NCALD: variants seen among roughly 807,000 people sequenced by gnomAD.
The protein encoded by NCALD is neurocalcin delta, also known as neurocalcin-delta.
In NCALD, 10 loss-of-function variants were observed where a neutral mutation model predicts 18.6. The observed-to-expected ratio is 0.54, with a 90% CI of 0.33 to 0.91. The LOEUF is 0.91. Ranked by LOEUF, NCALD falls within the 40% of genes least tolerant of loss-of-function variation. The pLI is 0.03. For missense variants in NCALD, 184 were observed against 247.6 expected (o/e 0.74, Z 1.72); for synonymous variants, 88 against 87.4 (o/e 1.01, Z -0.04).
chr8:102,004,240 CAA>C lies in NCALD; in HGVS notation c.-157+15995_-157+15996del, dbSNP rs1470990228. Among the ~76,000 whole-genome samples the C allele has an allele frequency of 5.3e-5, 8 of 152,206 alleles. No homozygotes were observed. The South Asian group carries it at 8.3e-4, about 16-fold the overall frequency. ...AGCATTCTTATACACCAACAACAGA[CAA>C]AGAGAGAGCCAAATCATGAGTGAAC... On this transcript the variant is annotated intron_variant, in intron 2 of 6. Coordinates refer to the NCALD transcript ENST00000311028.
intron 2 of NCALD, among the ~76,000 whole-genome samples, chr8:101,945,703 T>C (rs1483006597): frequency 6.6e-6 from 1 of 152,212 alleles, no homozygotes; most frequent in Non-Finnish European, 1.5e-5. Flanking sequence ...TTTTGATAGA[T>C]GTGTCACGTG....
intron 1 of NCALD, among the ~76,000 whole-genome samples, chr8:102,120,114 C>T (rs1825901887): frequency 6.6e-6 from 1 of 152,158 alleles, no homozygotes; most frequent in Non-Finnish European, 1.5e-5. Flanking sequence ...ATTTACTGAC[C>T]ATGTGACCTT....
At chr8:101,922,392 C>A (rs1388976625) in intron 2 of NCALD, among the ~76,000 whole-genome samples, 3 of 152,118 alleles carry the variant, frequency 2.0e-5, no homozygotes, top group African/African-American at 7.2e-5. Flanking sequence ...CATTATTGGA[C>A]ACGTTTCATT....
intron 1 of NCALD, among the ~76,000 whole-genome samples, chr8:102,049,594 T>G (rs1448127705): frequency 2.6e-5 from 4 of 152,160 alleles, no homozygotes; most frequent in Admixed American, 6.5e-5. Flanking sequence ...TTGAGTATAT[T>G]TAGTTTTGTA....
intron 4 of NCALD, among the ~76,000 whole-genome samples, chr8:101,821,221 G>T (rs1443876381): frequency 6.6e-6 from 1 of 152,156 alleles, no homozygotes; most frequent in African/African-American, 2.4e-5. Flanking sequence ...TTTCAAATCA[G>T]TGCATTGCTC....
At chr8:101,909,257 A>T (rs893172001) in intron 3 of NCALD, among the ~76,000 whole-genome samples, 2 of 152,168 alleles carry the variant, frequency 1.3e-5, no homozygotes, top group African/African-American at 4.8e-5. Context: ...CATTTGTTGT[A>T]ATTTTGTCTT....
At chr8:101,801,277 C>A (rs1812840150) in intron 4 of NCALD, among the ~76,000 whole-genome samples, 1 of 152,052 alleles carries the variant, frequency 6.6e-6, no homozygotes, top group African/African-American at 2.4e-5. Flanking sequence ...TTTAAAACAT[C>A]TTTCTTGGTA....
chr8:101,955,840 T>C (rs1422250799), intron 2 of NCALD, among the ~76,000 whole-genome samples: 2 of 152,152 alleles, frequency 1.3e-5, no homozygotes, highest in East Asian at 3.8e-4. Flanking sequence ...AGTATTGTAG[T>C]ATCTAATTTC....
At chr8:101,708,634 T>A (rs1194701399) in intron 2 of NCALD, among the ~76,000 whole-genome samples, 1 of 152,072 alleles carries the variant, frequency 6.6e-6, no homozygotes. Flanking sequence ...ATGAGTTAGG[T>A]GTTTCGATTA....
intron 1 of NCALD, among the ~76,000 whole-genome samples, chr8:101,787,810 G>A (rs1463328771): frequency 7.9e-5 from 12 of 152,108 alleles, no homozygotes; most frequent in Non-Finnish European, 8.8e-5. Context: ...TGAGTATCTG[G>A]AATTAACATG....
chr8:101,740,526 G>T (rs1352927058), intron 1 of NCALD, among the ~76,000 whole-genome samples: 1 of 152,212 alleles, frequency 6.6e-6, no homozygotes, highest in Non-Finnish European at 1.5e-5. Flanking sequence ...GTAGAAAGCA[G>T]AGCAGAGGCT....
At chr8:101,721,837 T>G (rs1372371505) in intron 1 of NCALD, among the ~76,000 whole-genome samples, 2 of 151,154 alleles carry the variant, frequency 1.3e-5, no homozygotes, top group East Asian at 3.9e-4. Context: ...GGAACTTACT[T>G]TTTGGGTTCC....
chr8:102,012,275 C>G (rs1187047546), intron 2 of NCALD, among the ~76,000 whole-genome samples: 2 of 152,172 alleles, frequency 1.3e-5, no homozygotes, highest in Non-Finnish European at 2.9e-5. Flanking sequence ...TAATAATATC[C>G]AACAAGCAAC....
intron 1 of NCALD, among the ~76,000 whole-genome samples, chr8:102,099,274 A>T (rs976227975): frequency 1.3e-5 from 2 of 152,194 alleles, no homozygotes; most frequent in African/African-American, 4.8e-5. Context: ...CAATAGTCCA[A>T]GGCACCAAAG....
chr8:102,108,086 G>C (rs770548136), intron 1 of NCALD, among the ~76,000 whole-genome samples: 2 of 152,140 alleles, frequency 1.3e-5, no homozygotes, highest in Admixed American at 6.5e-5. Flanking sequence ...TACAGGATGG[G>C]GGAGGGAAGG....
At chr8:101,711,768 A>G (rs963007094) in intron 2 of NCALD, among the ~76,000 whole-genome samples, 1 of 152,148 alleles carries the variant, frequency 6.6e-6, no homozygotes, top group Non-Finnish European at 1.5e-5. Flanking sequence ...ATACGGGACT[A>G]TGTGAAAAGA....
intron 3 of NCALD, among the ~76,000 whole-genome samples, chr8:101,895,088 G>A (rs1817102572): frequency 6.6e-6 from 1 of 150,574 alleles, no homozygotes; most frequent in Non-Finnish European, 1.5e-5. Flanking sequence ...CAATATCCTT[G>A]ATGAACATTG....
intron 1 of NCALD, among the ~76,000 whole-genome samples, chr8:101,780,538 A>G (rs1420522481): frequency 3.3e-5 from 5 of 152,172 alleles, no homozygotes; most frequent in African/African-American, 1.2e-4. Context: ...TTAAAAACAG[A>G]AGAACAGTGG....
At chr8:102,079,365 G>A (rs868495874) in intron 1 of NCALD, among the ~76,000 whole-genome samples, 2 of 152,154 alleles carry the variant, frequency 1.3e-5, no homozygotes, top group South Asian at 4.1e-4. Flanking sequence ...CACAACCACC[G>A]TATTTTCCCC....
Sources: allele counts gnomAD v4.1 joint callset (sites outside exome capture counted in the v4.1 genomes callset), GRCh38; gene constraint gnomAD v4.1.1; transcripts MANE v1.5; gene names NCBI Gene and HGNC (gene_info 2026-07-23, HGNC 2026-07-21).